Variants in ANKRD30B observed in about 807,000 individuals in gnomAD.
The protein encoded by ANKRD30B is ankyrin repeat domain-containing protein 30B.
Under a neutral mutation model 202.2 loss-of-function variants are expected in ANKRD30B, and 144 were observed. The observed-to-expected ratio is 0.71, with a 90% CI of 0.62 to 0.82. The LOEUF (loss-of-function observed/expected upper bound fraction) is 0.82, where lower values mean the gene tolerates loss of function less well. ANKRD30B is among the 40% of genes least tolerant of loss of function. ANKRD30B has a pLI of 0.00. For synonymous variants in ANKRD30B, 508 were observed against 561.3 expected, an observed-to-expected ratio of 0.91 and a Z score of 1.34; for missense variants, 1,487 against 1,669.1, an observed-to-expected ratio of 0.89 and a Z score of 1.90.
the ANKRD30B span, among the ~76,000 whole-genome samples, chr18:14,931,434 C>T: frequency 3.7e-4 from 56 of 152,320 alleles, no homozygotes; most frequent in African/African-American, 1.2e-3. Flanking sequence ...TTCCTGGTCA[C>T]CTCCACCCCT....
At chr18:14,784,094 G>A (rs921698885) in intron 12 of ANKRD30B, among the ~76,000 whole-genome samples, 3 of 151,976 alleles carry the variant, frequency 2.0e-5, no homozygotes, top group South Asian at 2.1e-4. Flanking sequence ...CTTTTTACAC[G>A]TGAAACACAA....
At chr18:14,818,036 A>T (rs1236479199) in intron 30 of ANKRD30B, among the ~76,000 whole-genome samples, 1 of 152,162 alleles carries the variant, frequency 6.6e-6, no homozygotes, top group Non-Finnish European at 1.5e-5. Context: ...TAAATATATT[A>T]AAGTATGTTG....
chr18:14,795,394 G>A (rs1018869828), intron 16 of ANKRD30B, among the ~76,000 whole-genome samples: 7 of 152,246 alleles, frequency 4.6e-5, no homozygotes, highest in East Asian at 1.9e-4. Flanking sequence ...ACAGGGTTTC[G>A]CTATTTTGGC....
chr18:14,878,969 G>A, the ANKRD30B span, among the ~76,000 whole-genome samples: 1 of 152,180 alleles, frequency 6.6e-6, no homozygotes, highest in Non-Finnish European at 1.5e-5. Context: ...AGACTTCGGA[G>A]ATATAGCAAA....
At chr18:14,774,334 G>A (rs546950325) in intron 9 of ANKRD30B, among the ~76,000 whole-genome samples, 56 of 152,086 alleles carry the variant, frequency 3.7e-4, no homozygotes, top group African/African-American at 1.1e-3. Context: ...GACTGGTCAC[G>A]TCTCTTGTTT....
chr18:14,789,559 C>G (rs940879201), intron 15 of ANKRD30B, among the ~76,000 whole-genome samples: 1 of 152,040 alleles, frequency 6.6e-6, no homozygotes, highest in African/African-American at 2.4e-5. Flanking sequence ...TCTTGAATTA[C>G]TTTTTGTATA....
chr18:14,852,519 T>C, intron 42 of ANKRD30B, 99 bp downstream of exon 42: 1 of 1,360,882 alleles, frequency 7.3e-7, no homozygotes, highest in Non-Finnish European at 9.6e-7. Context: ...TATAAATAGA[T>C]GATAAATGTA....
chr18:14,818,731 T>C (rs1339926960), intron 30 of ANKRD30B, among the ~76,000 whole-genome samples: 2 of 152,138 alleles, frequency 1.3e-5, no homozygotes, highest in African/African-American at 2.4e-5. Context: ...ATGGTGTATA[T>C]GTGCCACATT....
intron 18 of ANKRD30B, among the ~76,000 whole-genome samples, chr18:14,797,445 G>A (rs2143974752): frequency 6.6e-6 from 1 of 152,266 alleles, no homozygotes; most frequent in East Asian, 1.9e-4. Context: ...ACAATAACCA[G>A]GAGCATTGCA....
At chr18:14,824,061 T>A (rs1276212379) in intron 32 of ANKRD30B, among the ~76,000 whole-genome samples, 2 of 152,002 alleles carry the variant, frequency 1.3e-5, no homozygotes, top group Non-Finnish European at 2.9e-5. Context: ...TTTCATGTCT[T>A]AAATTTTCAA....
intron 6 of ANKRD30B, among the ~76,000 whole-genome samples, chr18:14,762,502 C>T (rs1915412954): frequency 6.7e-6 from 1 of 149,822 alleles, no homozygotes; most frequent in African/African-American, 2.5e-5. Flanking sequence ...CTTGTACCAA[C>T]AAGGTCTCAC....
intron 37 of ANKRD30B, among the ~76,000 whole-genome samples, chr18:14,840,997 A>G (rs925435806): frequency 6.6e-5 from 10 of 152,210 alleles, no homozygotes; most frequent in African/African-American, 2.4e-4. Flanking sequence ...ATAATGGAGA[A>G]TGGTAAAATA....
In ANKRD30B at chr18:14,850,379, T is replaced by A; in HGVS notation, c.3561T>A (p.Asn1187Lys). 6.6e-7 allele frequency: 1 copy of A among 1,526,540 alleles called. No individual in the cohort carries two copies. The highest frequency in any genetic ancestry group is 1.3e-5 in the South Asian group (1 of 76,950). The allele number at this position is 1,526,540 out of a possible 1,614,324, so 94.6% of individuals were successfully genotyped here. ...IELKSVTSNL[N>K]QVSHTHESEN... is the part of the protein sequence containing the mutation. Reference sequence around the variant, plus strand: ...TGAAAAGTGTAACAAGTAATTTGAATCAGGTAAATCAATCTCTGGCAAAAA... The same window carrying A: ...TGAAAAGTGTAACAAGTAATTTGAAACAGGTAAATCAATCTCTGGCAAAAA... Residue 1187 changes from asparagine to lysine, a missense_variant, in exon 41 of 44, where the codon AAT becomes AAA. Physicochemically the swap from Asn to Lys is moderately conservative, Grantham distance 94 (BLOSUM62 0). Transcript: ENST00000690538.
At chr18:14,881,765 A>G in the ANKRD30B span, among the ~76,000 whole-genome samples, 12 of 151,776 alleles carry the variant, frequency 7.9e-5, 1 homozygote, top group South Asian at 6.2e-4. Flanking sequence ...TAAAATTACC[A>G]TTTCAATCTT....
chr18:14,785,347 T>G (rs113215737), intron 14 of ANKRD30B, among the ~76,000 whole-genome samples: 2,209 of 152,308 alleles, frequency 0.015, 57 homozygotes, highest in African/African-American at 0.051. Flanking sequence ...AATTTTTGGA[T>G]TCATCCATAA....
At chr18:14,839,033 T>C (rs567428904) in intron 36 of ANKRD30B, among the ~76,000 whole-genome samples, 1 of 152,322 alleles carries the variant, frequency 6.6e-6, no homozygotes, top group South Asian at 2.1e-4. Context: ...AGATTTTCCA[T>C]ATATAGCAGT....
intron 8 of ANKRD30B, among the ~76,000 whole-genome samples, chr18:14,771,467 A>G: frequency 6.6e-6 from 1 of 152,216 alleles, no homozygotes; most frequent in Non-Finnish European, 1.5e-5. Flanking sequence ...GTATAAAATA[A>G]GTAGTTAGAC....
rs1270944092 is a variant in ANKRD30B, at chr18:14,787,066, A to C, written c.1700A>C (p.Gln567Pro). The C allele has an allele frequency of 3.7e-6, 6 of 1,609,724 alleles. No homozygotes were observed. The highest frequency in any genetic ancestry group is 5.1e-6 in the Non-Finnish European group (6 of 1,177,216). Reference sequence around the variant, plus strand: ...CAGATGTTCCCATCAGAATCCAAACAAAAGGACGATGAAGAAAATTCTTGG... The same window carrying C: ...CAGATGTTCCCATCAGAATCCAAACCAAAGGACGATGAAGAAAATTCTTGG... ...AAQMFPSESK[Q>P]KDDEENSWDS... Residue 567 changes from glutamine to proline, a missense_variant, in exon 15 of 44, where the codon CAA becomes CCA. Gln to Pro is a moderately conservative substitution (Grantham distance 76, BLOSUM62 -1). This residue lies in a region of ANKRD30B where 889 missense variants were observed against 841.4 expected (regional missense o/e 1.06). Transcript: ENST00000690538.
intron 32 of ANKRD30B, among the ~76,000 whole-genome samples, chr18:14,825,469 G>A (rs1429657571): frequency 4.0e-5 from 6 of 151,742 alleles, no homozygotes; most frequent in South Asian, 2.1e-4. Context: ...ATGCACCCTC[G>A]GATGATCAAA....
Sources: gnomAD v4.1 joint callset for allele counts (sites outside exome capture counted in the v4.1 genomes callset) on GRCh38, gnomAD v4.1.1 for gene constraint, gnomAD v4.1.1 regional missense constraint, MANE v1.5 for transcripts, NCBI Gene and HGNC (gene_info 2026-07-23, HGNC 2026-07-21) for gene names.